The following PRAG1 variants were observed in gnomAD, a reference collection of about 807,000 sequenced individuals.
PRAG1 encodes PEAK1 related, kinase-activating pseudokinase 1, also known as inactive tyrosine-protein kinase PRAG1.
PRAG1 carries 110 observed loss-of-function variants against 95.6 expected under a neutral mutation model. The ratio of observed to expected loss-of-function variants is 1.15; its 90% CI spans 0.99 to 1.35. The LOEUF (loss-of-function observed/expected upper bound fraction) is 1.35. Among genes scored for constraint, PRAG1 ranks in the 40% most tolerant of loss-of-function variants. The probability of loss-of-function intolerance (pLI) is 0.00; values close to 1 mark genes in which losing one functional copy is unlikely to be tolerated. For synonymous variants in PRAG1, 1,052 were observed against 819.4 expected, an observed-to-expected ratio of 1.28 and a Z score of -4.85; for missense variants, 2,554 against 1,864.7, an observed-to-expected ratio of 1.37 and a Z score of -6.81.
chr8:8,370,159 AAAG>A (rs1256254047), intron 3 of PRAG1, among the ~76,000 whole-genome samples: 1 of 152,250 alleles, frequency 6.6e-6, no homozygotes, highest in Admixed American at 6.5e-5. Context: ...AGTAATTTTT[AAAG>A]AAGTTGTAGA....
At chr8:8,360,243 C>T (rs1340713764) in intron 3 of PRAG1, among the ~76,000 whole-genome samples, 2 of 152,158 alleles carry the variant, frequency 1.3e-5, no homozygotes, top group Non-Finnish European at 2.9e-5. Flanking sequence ...TTAAAATGAC[C>T]TGGCCTCCCA....
In PRAG1 at chr8:8,381,735, G is replaced by C. The variant is rs748832282; in HGVS notation, c.13C>G (p.Leu5Val). The C allele has an allele frequency of 2.5e-6, 4 of 1,591,876 alleles. No individual in the cohort carries two copies. The highest frequency in any genetic ancestry group is 1.7e-5 in the Admixed American group (1 of 58,940). Residue 5 changes from leucine (L) to valine (V), a missense_variant, in exon 2 of 6, where the codon CTC becomes GTC. Coordinates refer to ENST00000615670, the MANE Select transcript of PRAG1 (RefSeq NM_001080826.3). ...TTCAGGCTCTCGGGGTTCAGGCAGA[G>C]GGTCTGGTGCATCTTGAGCCGACAG... MHQT[L>V]CLNPESLKMS...
At chr8:8,342,123 T>G (rs1799189473) in intron 3 of PRAG1, among the ~76,000 whole-genome samples, 1 of 151,560 alleles carries the variant, frequency 6.6e-6, no homozygotes, top group Non-Finnish European at 1.5e-5. Context: ...AGAGTGAAAC[T>G]GTGTCTCAAA....
intron 3 of PRAG1, among the ~76,000 whole-genome samples, chr8:8,362,337 C>T (rs1040351171): frequency 6.6e-6 from 1 of 152,242 alleles, no homozygotes; most frequent in African/African-American, 2.4e-5. Context: ...ACACTTTCAA[C>T]TTCCAGAGTA....
intron 5 of PRAG1, among the ~76,000 whole-genome samples, chr8:8,324,233 T>C (rs1321806814): frequency 6.6e-6 from 1 of 152,144 alleles, no homozygotes; most frequent in Non-Finnish European, 1.5e-5. Flanking sequence ...GGGAAGAGTT[T>C]CCAAGGCTCC....
At chr8:8,378,549 G>C (rs1046108186) in intron 2 of PRAG1, among the ~76,000 whole-genome samples, 2 of 152,116 alleles carry the variant, frequency 1.3e-5, no homozygotes, top group African/African-American at 4.8e-5. Context: ...GAAGTCTTAA[G>C]TGTTTTTAAA....
Position 8,377,352 on chromosome 8 carries a change from C to CGCCGCTGCCGCT in PRAG1, c.1045_1056dup (p.Ser349_Gly352dup), listed in dbSNP as rs59372311. The CGCCGCTGCCGCT allele has an allele frequency of 1.1e-5, 18 of 1,581,594 alleles. No individual in the cohort carries two copies. Among genetic ancestry groups the CGCCGCTGCCGCT allele is most frequent in the Admixed American group, 1.8e-5 (1 of 55,466 alleles). ...AGGTGGGGGACGAAGGGGCTACTGG[C>CGCCGCTGCCGCT]GCCGCTGCCGCTGCCGCTGCCGCTG... On this transcript the variant is annotated inframe_insertion, in exon 3 of 6. Coordinates refer to ENST00000615670, the MANE Select transcript of PRAG1 (RefSeq NM_001080826.3).
rs546937704 is a variant in PRAG1 at position 8,323,264 on chromosome 8, T to C, written c.3073-3962A>G. On this transcript the variant is annotated intron_variant, in intron 5 of 5. Coordinates refer to ENST00000615670, the MANE Select transcript of PRAG1 (RefSeq NM_001080826.3). ...GAGGAACCTGGTGATGTTCTCATGA[T>C]AGTGAGTGAGTTCTCATGAGATCTG... Among the ~76,000 whole-genome samples the C allele has an allele frequency of 2.0e-5, 3 of 152,134 alleles. No homozygotes were observed. The South Asian group carries it at 6.2e-4, about 32-fold the overall frequency.
Position 8,377,806 on chromosome 8 carries a change from G to C in PRAG1, c.603C>G (p.Pro201=). 1 of 1,614,174 alleles carries C rather than the reference G, an allele frequency of 6.2e-7. No individual in the cohort carries two copies. Among genetic ancestry groups the C allele is most frequent in the African/African-American group, 1.3e-5 (1 of 75,062 alleles). The change falls in exon 3 of 6, where the codon CCC becomes CCG. Residue 201 remains proline, a synonymous_variant. Coordinates refer to ENST00000615670, the MANE Select transcript of PRAG1 (RefSeq NM_001080826.3). ...TCTGGCGGAAGCTCTCCTGGGTGGAGGGCCGGTCTTGGTAAGGAAATGAGG... is the reference window on the plus strand; with the variant it reads ...TCTGGCGGAAGCTCTCCTGGGTGGACGGCCGGTCTTGGTAAGGAAATGAGG... The part of the protein sequence containing the change: ...EKPSFPYQDR[P]STQESFRQKL...
chr8:8,329,349 C>T (rs1175126811), intron 4 of PRAG1, among the ~76,000 whole-genome samples: 2 of 151,842 alleles, frequency 1.3e-5, no homozygotes, highest in Non-Finnish European at 2.9e-5. Context: ...GCCAAGATTG[C>T]GCCACTACAC....
In PRAG1 at chr8:8,319,089, G is replaced by C; in HGVS notation, c.3286C>G (p.Pro1096Ala). The change falls in exon 6 of 6, where the codon CCA becomes GCA. Residue 1096 changes from proline (P) to alanine (A), a missense_variant. Pro to Ala is a conservative substitution (Grantham distance 27, BLOSUM62 -1). Transcript: ENST00000615670. ...DCVVVITREV[P>A]HQTASDFVRD... ...ACGAAGTCGGAGGCGGTCTGATGTG[G>C]CACCTCTCGGGTGATGACCACCACG... 6.2e-7 allele frequency: 1 copy of C among 1,610,566 alleles called. No homozygotes were observed. Among genetic ancestry groups the C allele is most frequent in the Non-Finnish European group, 8.5e-7 (1 of 1,179,658 alleles).
At chr8:8,319,340 C>G (rs1798401356) in intron 5 of PRAG1, 38 bp from the exon 6 acceptor site, 1 of 1,470,588 alleles carries the variant, frequency 6.8e-7, no homozygotes, top group Admixed American at 2.4e-5. Flanking sequence ...AGAGTGGGGC[C>G]CATGGTTCCG....
chr8:8,328,459 G>T lies in PRAG1; in HGVS notation c.2323C>A (p.Pro775Thr). 6.2e-7 allele frequency: 1 copy of T among 1,613,280 alleles called. No homozygotes were observed. Residue 775 changes from proline (P) to threonine (T), a missense_variant and splice_region_variant, in exon 5 of 6, where the codon CCC (proline) becomes ACC (threonine). Transcript: ENST00000615670. ...SDSRTCSDGGPSSELAHSPTN... is the reference protein window; with the variant it reads ...SDSRTCSDGGTSSELAHSPTN... ...GGCGAGTGAGCCAGCTCAGACGAGG[G>T]ACCTGAAGAGGAGAGACAGAAACCA...
At chr8:8,358,717 A>G (rs1023343077) in intron 3 of PRAG1, among the ~76,000 whole-genome samples, 1 of 152,234 alleles carries the variant, frequency 6.6e-6, no homozygotes, top group African/African-American at 2.4e-5. Context: ...CTGCCACGAG[A>G]GCACACTGAA....
intron 5 of PRAG1, among the ~76,000 whole-genome samples, chr8:8,325,521 C>T (rs967375532): frequency 6.6e-6 from 1 of 152,118 alleles, no homozygotes; most frequent in African/African-American, 2.4e-5. Context: ...AGTTAAATTT[C>T]TTTTGTGTTG....
At chr8:8,369,989 T>C (rs140132067) in intron 3 of PRAG1, among the ~76,000 whole-genome samples, 206 of 152,328 alleles carry the variant, frequency 1.4e-3, no homozygotes, top group African/African-American at 4.6e-3. Flanking sequence ...CCCCAGTAAC[T>C]GGCTTTTTAG....
rs760554883 is a variant in PRAG1, at chr8:8,328,472, G to A, written c.2321-11C>T. The A allele has an allele frequency of 3.6e-5, 58 of 1,612,762 alleles. No individual in the cohort carries two copies. Among genetic ancestry groups the A allele is most frequent in the Non-Finnish European group, 4.9e-5 (58 of 1,179,852 alleles). On this transcript the variant is annotated splice_polypyrimidine_tract_variant and intron_variant, in intron 4 of 5. Coordinates refer to ENST00000615670, the MANE Select transcript of PRAG1 (RefSeq NM_001080826.3). Reference sequence around the variant, plus strand: ...GCTCAGACGAGGGACCTGAAGAGGAGAGACAGAAACCATAAGACCAAGGCC... The same window carrying A: ...GCTCAGACGAGGGACCTGAAGAGGAAAGACAGAAACCATAAGACCAAGGCC...
intron 2 of PRAG1, among the ~76,000 whole-genome samples, chr8:8,378,662 C>T (rs1376948312): frequency 6.6e-6 from 1 of 152,018 alleles, no homozygotes; most frequent in South Asian, 2.1e-4. Flanking sequence ...GAGTTCAAGA[C>T]GAGCCTGGGC....
At chr8:8,374,175 A>G (rs13280051) in intron 3 of PRAG1, among the ~76,000 whole-genome samples, 22,465 of 152,094 alleles carry the variant, frequency 0.15, 2,116 homozygotes, top group East Asian at 0.23. Context: ...TCAAAGTACT[A>G]TTATCATCTC....
Sources: allele counts gnomAD v4.1 joint callset (sites outside exome capture counted in the v4.1 genomes callset), GRCh38; gene constraint gnomAD v4.1.1; transcripts MANE v1.5; gene names NCBI Gene and HGNC (gene_info 2026-07-23, HGNC 2026-07-21).